The following DLGAP1 variants were observed in gnomAD, a reference collection of about 807,000 sequenced individuals.
DLGAP1 encodes the protein DLG associated protein 1, also known as disks large-associated protein 1.
DLGAP1 carries 11 observed loss-of-function variants against 90.8 expected under a neutral mutation model. The observed-to-expected ratio is 0.12, with a 90% CI of 0.08 to 0.20. The LOEUF (loss-of-function observed/expected upper bound fraction) is 0.20. DLGAP1 is among the 10% of genes least tolerant of loss of function. DLGAP1 has a pLI of 1.00. For synonymous variants in DLGAP1, 558 were observed against 540.7 expected (o/e 1.03, Z -0.44); for missense variants, 1,050 against 1,333.8 (o/e 0.79, Z 3.31).
chr18:4,134,954 C>T (rs530168948), intron 2 of DLGAP1, among the ~76,000 whole-genome samples: 24 of 152,084 alleles, frequency 1.6e-4, no homozygotes, highest in African/African-American at 5.5e-4. Context: ...ACACCAAAAC[C>T]GCCACCAAGA....
chr18:3,941,398 C>A (rs1338487680), intron 3 of DLGAP1, among the ~76,000 whole-genome samples: 1 of 152,044 alleles, frequency 6.6e-6, no homozygotes. Context: ...AGCCATGAGG[C>A]CTGAACTGAG....
intron 1 of DLGAP1, among the ~76,000 whole-genome samples, chr18:4,262,780 C>T (rs1448479978): frequency 6.6e-6 from 1 of 152,084 alleles, no homozygotes; most frequent in East Asian, 1.9e-4. Context: ...TTTCAGCATG[C>T]CTCTGTTTCC....
At chr18:3,664,183 TACACACAC>T (rs35653599) in intron 7 of DLGAP1, among the ~76,000 whole-genome samples, 52 of 135,740 alleles carry the variant, frequency 3.8e-4, no homozygotes, top group African/African-American at 1.2e-3. Flanking sequence ...TGGGTCAGTA[TACACACAC>T]ACACACACAC....
At chr18:3,598,363 A>G (rs1401038637) in intron 7 of DLGAP1, 1 of 152,026 alleles carries the variant, frequency 6.6e-6, no homozygotes, top group Non-Finnish European at 1.5e-5. Flanking sequence ...AAAAAAAAAA[A>G]TTCTGTCTCA....
chr18:4,335,546 G>C (rs1347699124), intron 1 of DLGAP1, among the ~76,000 whole-genome samples: 4 of 149,642 alleles, frequency 2.7e-5, no homozygotes, highest in Admixed American at 2.6e-4. Context: ...TACTTTAACT[G>C]CAATGGGAAG....
chr18:4,204,508 GTTTTTT>G (rs112859102), intron 1 of DLGAP1, among the ~76,000 whole-genome samples: 2 of 148,100 alleles, frequency 1.4e-5, no homozygotes, highest in Admixed American at 1.4e-4. Context: ...GACTGTTGTG[GTTTTTT>G]TTTTGTTTTT....
chr18:4,190,469 T>C (rs2077376853), intron 1 of DLGAP1, among the ~76,000 whole-genome samples: 2 of 152,132 alleles, frequency 1.3e-5, no homozygotes, highest in South Asian at 2.1e-4. Context: ...CATTATACAC[T>C]CGTCAAAATC....
Position 3,765,117 on chromosome 18 carries a change from C to CTTTTTTTTTTTTTTTTTTTTTT in DLGAP1, c.1173-22606_1173-22605insAAAAAAAAAAAAAAAAAAAAAA, listed in dbSNP as rs921982904. Among the ~76,000 whole-genome samples the CTTTTTTTTTTTTTTTTTTTTTT allele has an allele frequency of 5.5e-5, 7 of 126,412 alleles. 1 individual carries two copies. The highest frequency in any genetic ancestry group is 2.9e-4 in the East Asian group (1 of 3,486). 82.9% of individuals were successfully genotyped at this position (126,412 alleles called of 152,430 possible). A position where few individuals can be genotyped will look rare whatever the true frequency, so the allele number is the denominator to read the frequency against. ...CAGAATCTCCATGCACACTTGCAAA[C>CTTTTTTTTTTTTTTTTTTTTTT]TTTTTTTTTTTTCTTTTTTTTTTTT... On this transcript the variant is annotated intron_variant, in intron 5 of 12. Coordinates refer to ENST00000315677, the MANE Select transcript of DLGAP1 (RefSeq NM_004746.4).
chr18:3,659,462 C>T (rs1198398106), intron 7 of DLGAP1, among the ~76,000 whole-genome samples: 5 of 148,712 alleles, frequency 3.4e-5, no homozygotes, highest in Admixed American at 3.4e-4. Context: ...GCCGCCCCCA[C>T]CCCCGGTTTC....
intron 8 of DLGAP1, among the ~76,000 whole-genome samples, chr18:3,568,565 A>C (rs2054567637): frequency 6.6e-6 from 1 of 152,146 alleles, no homozygotes; most frequent in Admixed American, 6.5e-5. Context: ...TAAGTTATAT[A>C]AAATTAAAAT....
intron 3 of DLGAP1, among the ~76,000 whole-genome samples, chr18:3,999,473 C>T (rs990867501): frequency 2.0e-5 from 3 of 152,088 alleles, no homozygotes; most frequent in African/African-American, 7.2e-5. Flanking sequence ...CAAACATCGT[C>T]ACATCTATAT....
At chr18:4,119,166 A>G (rs990824862) in intron 2 of DLGAP1, among the ~76,000 whole-genome samples, 6 of 152,122 alleles carry the variant, frequency 3.9e-5, no homozygotes, top group African/African-American at 1.4e-4. Context: ...ATCACAGTAC[A>G]CTATAGCCTC....
intron 5 of DLGAP1, 78 bp downstream of exon 5, chr18:3,813,981 C>T: frequency 6.9e-7 from 1 of 1,446,762 alleles, no homozygotes; most frequent in South Asian, 1.2e-5. Flanking sequence ...CCCACTTACT[C>T]TAGGAGACAC....
At position 3,499,079 on chromosome 18, in the gene DLGAP1, C is replaced by T. The variant is rs2049791866; in HGVS notation, c.*106G>A. On this transcript the variant is annotated 3_prime_UTR_variant, in exon 13 of 13. Coordinates refer to ENST00000315677, the MANE Select transcript of DLGAP1 (RefSeq NM_004746.4). This position sits in a 1 kb window ranked among gnomAD's most constrained non-coding sequence, Gnocchi z 6.4. ...ACTACACCGCGACAGTGGAAGTCAC[C>T]GAGCTCGGGAGCGGACGGGCTCGGA... 2.8e-6 allele frequency: 3 copies of T among 1,077,060 alleles called. No individual in the cohort carries two copies. Among genetic ancestry groups the T allele is most frequent in the Non-Finnish European group, 3.8e-6 (3 of 787,170 alleles). The allele number at this position is 1,077,060 out of a possible 1,614,324, so 66.7% of individuals were successfully genotyped here. A position where few individuals can be genotyped will look rare whatever the true frequency, so the allele number is the denominator to read the frequency against.
intron 2 of DLGAP1, among the ~76,000 whole-genome samples, chr18:4,061,568 G>A (rs1374463310): frequency 6.6e-6 from 1 of 152,122 alleles, no homozygotes; most frequent in Non-Finnish European, 1.5e-5. Flanking sequence ...AACTGACTAA[G>A]ATTAGATACA....
chr18:3,640,752 G>A (rs2058908254), intron 7 of DLGAP1, among the ~76,000 whole-genome samples: 2 of 152,212 alleles, frequency 1.3e-5, no homozygotes, highest in Non-Finnish European at 1.5e-5. Flanking sequence ...CCTTATGTCT[G>A]CTTATGTCCA....
intron 7 of DLGAP1, among the ~76,000 whole-genome samples, chr18:3,652,472 T>C (rs2059349327): frequency 6.6e-6 from 1 of 151,712 alleles, no homozygotes. Flanking sequence ...GGACTACAGG[T>C]GTATGCCACC....
chr18:4,324,100 T>C (rs1322953903), intron 1 of DLGAP1, among the ~76,000 whole-genome samples: 7 of 151,106 alleles, frequency 4.6e-5, no homozygotes, highest in Admixed American at 4.0e-4. Context: ...TTGAAAAAAA[T>C]TAGTAAGATA....
chr18:3,582,754 G>A (rs1011783605), intron 7 of DLGAP1, among the ~76,000 whole-genome samples: 1 of 152,126 alleles, frequency 6.6e-6, no homozygotes, highest in Non-Finnish European at 1.5e-5. Flanking sequence ...TAACAAGGAC[G>A]AGGTGTCTGG....
Sources: gnomAD v4.1 joint callset for allele counts (sites outside exome capture counted in the v4.1 genomes callset) on GRCh38, gnomAD v4.1.1 for gene constraint, Gnocchi (gnomAD v3.1) non-coding constraint, MANE v1.5 for transcripts, NCBI Gene and HGNC (gene_info 2026-07-23, HGNC 2026-07-21) for gene names.